FBP1: variants seen among roughly 807,000 people sequenced by gnomAD.
FBP1 encodes fructose-1,6-bisphosphatase 1.
FBP1 carries 22 observed loss-of-function variants against 29.9 expected under a neutral mutation model. The ratio of observed to expected loss-of-function variants is 0.74; its 90% CI spans 0.53 to 1.05. FBP1 has a LOEUF of 1.05. FBP1 is among the 50% of genes least tolerant of loss of function. The pLI, the probability that FBP1 is intolerant of heterozygous loss-of-function variation, is 0.00. For missense variants in FBP1, 345 were observed against 448.2 expected (o/e 0.77, Z 2.08); for synonymous variants, 175 against 178.6 (o/e 0.98, Z 0.16).
At position 94,639,331 on chromosome 9, in the gene FBP1, G is replaced by A. The variant is rs572096460; in HGVS notation, c.-21C>T. ...GCCATGCTTGAACCGGGTAGAGCGC[G>A]GGGCTGCAGGTGCAAGCGGCAGGTG... On this transcript the variant is annotated 5_prime_UTR_variant, in exon 1 of 7. Coordinates refer to ENST00000375326, the MANE Select transcript of FBP1 (RefSeq NM_000507.4). 1.9e-6 allele frequency: 3 copies of A among 1,599,364 alleles called. No homozygotes were observed. The highest frequency in any genetic ancestry group is 2.3e-5 in the South Asian group (2 of 88,706).
At chr9:94,621,213 CAAAAAAAAAAAAAAAA>C (rs57221045) in intron 1 of FBP1, among the ~76,000 whole-genome samples, 13 of 43,988 alleles carry the variant, frequency 3.0e-4, no homozygotes, top group East Asian at 1.4e-3. Flanking sequence ...GACTCCGTCT[CAAAAAAAAAAAAAAAA>C]AAAAAAAATA....
chr9:94,620,407 C>T lies in FBP1; in HGVS notation c.255G>A (p.Met85Ile), dbSNP rs1252797952. ...CACACGTGGCAAAGGATGACTTTAA[C>T]ATGTTCATAACCAGGTCGTTGGAGA... ...DVLSNDLVMNMLKSSFATCVL... is the reference protein window; with the variant it reads ...DVLSNDLVMNILKSSFATCVL... The change falls in exon 2 of 7, where the codon ATG becomes ATA. Residue 85 changes from methionine (M) to isoleucine (I), a missense_variant. Physicochemically the swap from Met to Ile is conservative, Grantham distance 10 (BLOSUM62 1). Transcript: ENST00000375326. 14 of 1,614,080 alleles carry T rather than the reference C, an allele frequency of 8.7e-6. No homozygotes were observed. The highest frequency in any genetic ancestry group is 1.2e-5 in the Non-Finnish European group (14 of 1,180,036).
intron 3 of FBP1, among the ~76,000 whole-genome samples, chr9:94,610,520 G>C (rs1827768840): frequency 6.6e-6 from 1 of 152,232 alleles, no homozygotes; most frequent in South Asian, 2.1e-4. Context: ...ACTCTGCTGA[G>C]CATGTGGTCT....
At chr9:94,606,789 A>G in intron 5 of FBP1, 26 bp downstream of exon 5, 1 of 1,609,492 alleles carries the variant, frequency 6.2e-7, no homozygotes, top group South Asian at 1.1e-5. Flanking sequence ...CAGAACCTGC[A>G]CCACCCTCCC....
chr9:94,605,098 A>G (rs1310261473), intron 6 of FBP1, among the ~76,000 whole-genome samples: 1 of 152,194 alleles, frequency 6.6e-6, no homozygotes, highest in African/African-American at 2.4e-5. Flanking sequence ...TACTGAGGAT[A>G]CACATTTGAT....
At chr9:94,606,574 T>G (rs1196039198) in intron 5 of FBP1, among the ~76,000 whole-genome samples, 1 of 152,230 alleles carries the variant, frequency 6.6e-6, no homozygotes, top group Non-Finnish European at 1.5e-5. Context: ...AGTACTGAGG[T>G]GAGAACTTCA....
Position 94,606,880 on chromosome 9 carries a change from C to T in FBP1, c.640G>A (p.Glu214Lys), listed in dbSNP as rs1199458282. Residue 214 changes from glutamate to lysine, a missense_variant, in exon 5 of 7, where the codon GAG (glutamate) becomes AAG (lysine). Physicochemically the swap from Glu to Lys is moderately conservative, Grantham distance 56. Coordinates refer to ENST00000375326, the MANE Select transcript of FBP1 (RefSeq NM_000507.4). ...KKKGKIYSLN[E>K]GYARDFDPAV... ...GGGTCAAAGTCCCTGGCGTAGCCCT[C>T]GTTAAGGCTGTAGATTTTACCTTTC... is the stretch of plus-strand genomic sequence containing the variant. 9 of 1,613,888 alleles carry T rather than the reference C, an allele frequency of 5.6e-6. No individual in the cohort carries two copies. In the South Asian group the frequency reaches 6.6e-5, roughly 12 times the overall value.
At chr9:94,619,743 G>A (rs1053608364) in intron 2 of FBP1, among the ~76,000 whole-genome samples, 3 of 151,774 alleles carry the variant, frequency 2.0e-5, no homozygotes, top group Admixed American at 6.6e-5. Context: ...GTGTGGTGGC[G>A]GGAACCTGTA....
chr9:94,607,948 T>G (rs1325879079), intron 4 of FBP1, among the ~76,000 whole-genome samples: 1 of 152,236 alleles, frequency 6.6e-6, no homozygotes, highest in African/African-American at 2.4e-5. Context: ...ATGCCTTTTT[T>G]AATATTTTCA....
intron 4 of FBP1, among the ~76,000 whole-genome samples, chr9:94,609,437 C>T (rs1287621949): frequency 6.6e-6 from 1 of 152,144 alleles, no homozygotes; most frequent in Non-Finnish European, 1.5e-5. Flanking sequence ...TTTTAGTTGG[C>T]CAACATAGTG....
rs767945641 is a variant in FBP1 at position 94,605,550 on chromosome 9, C to T, written c.732G>A (p.Arg244=). The T allele has an allele frequency of 1.9e-6, 3 of 1,613,628 alleles. No homozygotes were observed. The highest frequency in any genetic ancestry group is 2.5e-6 in the Non-Finnish European group (3 of 1,179,596). Residue 244 remains arginine, a synonymous_variant, in exon 6 of 7, where the codon CGG becomes CGA. Coordinates refer to ENST00000375326, the MANE Select transcript of FBP1 (RefSeq NM_000507.4). Reference sequence around the variant, plus strand: ...CATCAGCCACCATGGAGCCCACATACCGGGCCCCATAAGGAGCTGAATTAT... The same window carrying T: ...CATCAGCCACCATGGAGCCCACATATCGGGCCCCATAAGGAGCTGAATTAT... ...PPDNSAPYGA[R]YVGSMVADVH...
At chr9:94,633,551 C>T (rs1828142228) in intron 1 of FBP1, among the ~76,000 whole-genome samples, 1 of 152,150 alleles carries the variant, frequency 6.6e-6, no homozygotes, top group Non-Finnish European at 1.5e-5. Context: ...GCAACTTTTC[C>T]AGAAACACTT....
chr9:94,617,952 AG>A, intron 2 of FBP1, 92 bp from the exon 3 acceptor site: 1 of 992,896 alleles, frequency 1.0e-6, no homozygotes, highest in South Asian at 1.4e-5. Flanking sequence ...GGAATTTAGA[AG>A]AAAGTTCAAA....
intron 4 of FBP1, among the ~76,000 whole-genome samples, chr9:94,608,854 C>T (rs1470525311): frequency 1.3e-5 from 2 of 151,962 alleles, no homozygotes; most frequent in Non-Finnish European, 2.9e-5. Flanking sequence ...AGTTTGCCAG[C>T]AAAAAGCACT....
In FBP1 at chr9:94,639,377, G is replaced by A; in HGVS notation, c.-67C>T. ...AGGTGCGGGGCTGCAGGTGCGGGCG[G>A]CAAGAGAGGGCAGTAGGCACTGGCC... is the stretch of plus-strand genomic sequence containing the variant. On this transcript the variant is annotated 5_prime_UTR_variant, in exon 1 of 7. Coordinates refer to ENST00000375326, the MANE Select transcript of FBP1 (RefSeq NM_000507.4). 1 of 1,533,964 alleles carries A rather than the reference G, an allele frequency of 6.5e-7. No individual in the cohort carries two copies. Among genetic ancestry groups the A allele is most frequent in the Non-Finnish European group, 8.8e-7 (1 of 1,130,178 alleles).
intron 1 of FBP1, among the ~76,000 whole-genome samples, chr9:94,625,710 G>A (rs1018093333): frequency 6.6e-6 from 1 of 152,254 alleles, no homozygotes. Context: ...CAGGAGAAAG[G>A]CGTGAACCCG....
intron 3 of FBP1, among the ~76,000 whole-genome samples, chr9:94,611,356 G>T (rs1401453696): frequency 6.6e-6 from 1 of 152,204 alleles, no homozygotes; most frequent in Non-Finnish European, 1.5e-5. Flanking sequence ...AGCTGGAGAA[G>T]GAAGTCATCC....
rs192543005 is a variant in FBP1 at position 94,613,844 on chromosome 9, G to C, written c.427-3783C>G. 7.8e-3 allele frequency among the ~76,000 whole-genome samples: 1,182 copies of C among 151,580 alleles called. 21 individuals carry two copies. The highest frequency in any genetic ancestry group is 0.027 in the African/African-American group (1,131 of 41,292). On this transcript the variant is annotated intron_variant, in intron 3 of 6. Transcript: ENST00000375326. Reference sequence around the variant, plus strand: ...TGTAATCCTAGCACTTTGGGAGGCCGAGGCGGGCGGATCACGAGGTCAGGA... The same window carrying C: ...TGTAATCCTAGCACTTTGGGAGGCCCAGGCGGGCGGATCACGAGGTCAGGA...
chr9:94,610,884 C>G (rs929617535), intron 3 of FBP1, among the ~76,000 whole-genome samples: 3 of 120,780 alleles, frequency 2.5e-5, no homozygotes, highest in South Asian at 5.5e-4. Flanking sequence ...TTTTTTTTGA[C>G]ACGGAGTCTC....
Sources: allele counts gnomAD v4.1 joint callset (sites outside exome capture counted in the v4.1 genomes callset), GRCh38; gene constraint gnomAD v4.1.1; transcripts MANE v1.5; gene names NCBI Gene and HGNC (gene_info 2026-07-23, HGNC 2026-07-21).